LRP11: variants seen among roughly 807,000 people sequenced by gnomAD.
LRP11 encodes low-density lipoprotein receptor-related protein 11.
In LRP11, 25 loss-of-function variants were observed where a neutral mutation model predicts 43.1. The ratio of observed to expected loss-of-function variants is 0.58; its 90% confidence interval spans 0.42 to 0.81. LRP11 has a LOEUF of 0.81. LRP11 is among the 30% of genes least tolerant of loss of function. LRP11 has a pLI of 0.00. For missense variants in LRP11, 623 were observed against 665.1 expected, an observed-to-expected ratio of 0.94 and a Z score of 0.70; for synonymous variants, 316 against 299.4, an observed-to-expected ratio of 1.06 and a Z score of -0.57.
chr6:149,852,154 G>A (rs1384929643), intron 2 of LRP11, among the ~76,000 whole-genome samples: 2 of 152,188 alleles, frequency 1.3e-5, no homozygotes, highest in Non-Finnish European at 2.9e-5. Context: ...GGACGAGGGT[G>A]AGTCCAATTC....
intron 3 of LRP11, among the ~76,000 whole-genome samples, chr6:149,841,252 A>C (rs1206419124): frequency 6.6e-6 from 1 of 152,222 alleles, no homozygotes; most frequent in Non-Finnish European, 1.5e-5. Context: ...AGTAAATCAC[A>C]GTCCTGTTCC....
rs1422234837 is a variant in LRP11, at chr6:149,864,341, C to A, written c.-321G>T. On this transcript the variant is annotated 5_prime_UTR_variant, in exon 1 of 7. Coordinates refer to ENST00000239367, the MANE Select transcript of LRP11 (RefSeq NM_032832.6). ...GAGTCGGCCTCGGCGTTGATCAGCA[C>A]CAGGTGTGTGCGAACAGTGGCCGCG... 9.9e-7 allele frequency: 1 copy of A among 1,008,172 alleles called. No homozygotes were observed. Among genetic ancestry groups the A allele is most frequent in the Non-Finnish European group, 1.2e-6 (1 of 845,308 alleles). 62.5% of individuals were successfully genotyped at this position (1,008,172 alleles called of 1,614,324 possible).
chr6:149,846,591 C>G (rs1776636148), intron 2 of LRP11, among the ~76,000 whole-genome samples: 1 of 152,046 alleles, frequency 6.6e-6, no homozygotes, highest in Non-Finnish European at 1.5e-5. Flanking sequence ...TGAGTCATGA[C>G]CAGATTCTGA....
intron 1 of LRP11, among the ~76,000 whole-genome samples, chr6:149,856,773 C>T (rs1354176632): frequency 6.6e-6 from 1 of 152,140 alleles, no homozygotes; most frequent in African/African-American, 2.4e-5. Context: ...ATTCACAACA[C>T]GCTACTGTGC....
chr6:149,855,614 G>C (rs1211066595), intron 1 of LRP11, among the ~76,000 whole-genome samples: 1 of 151,992 alleles, frequency 6.6e-6, no homozygotes, highest in Non-Finnish European at 1.5e-5. Flanking sequence ...AGGAACAAGG[G>C]GATTTATGTG....
At chr6:149,828,320 T>C (rs1238680838) in intron 5 of LRP11, among the ~76,000 whole-genome samples, 1 of 152,070 alleles carries the variant, frequency 6.6e-6, no homozygotes, top group African/African-American at 2.4e-5. Flanking sequence ...CTTTTTTATT[T>C]TATTATATTT....
intron 6 of LRP11, among the ~76,000 whole-genome samples, chr6:149,823,628 G>A (rs1776304109): frequency 6.6e-6 from 1 of 152,160 alleles, no homozygotes; most frequent in Admixed American, 6.5e-5. Context: ...AGGACCTGGA[G>A]CTGATGACAC....
chr6:149,829,332 A>G (rs7764846), intron 5 of LRP11, among the ~76,000 whole-genome samples: 81,434 of 151,938 alleles, frequency 0.54, 25,049 homozygotes, highest in East Asian at 0.83. Context: ...AGGCCAAGGC[A>G]GGTGGATCAC....
rs1467341514 is a variant in LRP11 at position 149,827,030 on chromosome 6, G to C, written c.1253-671C>G. On this transcript the variant is annotated intron_variant, in intron 5 of 6. Transcript: ENST00000239367. The surrounding 1 kb of genome is among the most constrained non-coding windows in gnomAD (Gnocchi z 4.2). ...TGCCCAGATTGGAGTGCAGTGGCAC[G>C]ATCTTGGCTCACTGCAACGTCCACC... 6.7e-6 allele frequency among the ~76,000 whole-genome samples: 1 copy of C among 150,134 alleles called. No individual in the cohort carries two copies. The highest frequency in any genetic ancestry group is 2.0e-4 in the East Asian group (1 of 5,086).
At chr6:149,846,125 T>C (rs1399757426) in intron 2 of LRP11, among the ~76,000 whole-genome samples, 1 of 152,198 alleles carries the variant, frequency 6.6e-6, no homozygotes, top group Non-Finnish European at 1.5e-5. Context: ...AGGTCAGTTA[T>C]GGCCTCTTCC....
chr6:149,828,320 TTATTA>T (rs1047379052), intron 5 of LRP11, among the ~76,000 whole-genome samples: 1 of 152,070 alleles, frequency 6.6e-6, no homozygotes, highest in African/African-American at 2.4e-5. Context: ...CTTTTTTATT[TTATTA>T]TATTTTTACT....
intron 2 of LRP11, among the ~76,000 whole-genome samples, chr6:149,847,791 C>T (rs1170732349): frequency 6.7e-6 from 1 of 148,834 alleles, no homozygotes; most frequent in Non-Finnish European, 1.5e-5. Context: ...TAGCAATACA[C>T]GTTTGGGCTT....
At position 149,826,189 on chromosome 6, in the gene LRP11, G is replaced by A. The variant is rs748743538; in HGVS notation, c.1348+75C>T. Reference sequence around the variant, plus strand: ...TGTCCTGAGCTCTCATGGCCTCAGGGAATATCCTCAGCCAGAGGGCATGCA... The same window carrying A: ...TGTCCTGAGCTCTCATGGCCTCAGGAAATATCCTCAGCCAGAGGGCATGCA... On this transcript the variant is annotated intron_variant, in intron 6 of 6. Coordinates refer to ENST00000239367, the MANE Select transcript of LRP11 (RefSeq NM_032832.6). 14 of 1,121,056 alleles carry A rather than the reference G, an allele frequency of 1.2e-5. No individual in the cohort carries two copies. The South Asian group carries it at 1.6e-4, about 13-fold the overall frequency. The allele number at this position is 1,121,056 out of a possible 1,614,324, so 69.4% of individuals were successfully genotyped here.
At chr6:149,844,729 T>C (rs1353579932) in intron 2 of LRP11, among the ~76,000 whole-genome samples, 22 of 152,360 alleles carry the variant, frequency 1.4e-4, no homozygotes, top group Admixed American at 1.0e-3. Flanking sequence ...GAGGATGGGA[T>C]TGTACTATTA....
chr6:149,828,418 T>C (rs1043174604), intron 5 of LRP11, among the ~76,000 whole-genome samples: 3 of 152,110 alleles, frequency 2.0e-5, no homozygotes, highest in Non-Finnish European at 4.4e-5. Flanking sequence ...AATAGGTACA[T>C]ATTTAACCAC....
chr6:149,824,885 T>C (rs1448200515), intron 6 of LRP11, among the ~76,000 whole-genome samples: 1 of 151,916 alleles, frequency 6.6e-6, no homozygotes, highest in Non-Finnish European at 1.5e-5. Flanking sequence ...AACAAAAATA[T>C]GTAACAACCA....
chr6:149,858,013 C>T (rs1776826916), intron 1 of LRP11, among the ~76,000 whole-genome samples: 1 of 152,190 alleles, frequency 6.6e-6, no homozygotes, highest in African/African-American at 2.4e-5. Flanking sequence ...TTACATCACA[C>T]AGGCGATAAA....
At position 149,826,383 on chromosome 6, in the gene LRP11, T is replaced by C. The variant is rs550193220; in HGVS notation, c.1253-24A>G. ...ATCTGCAGAAAAGAAAGAGAACATA[T>C]ATTGAAGGTGTATGCATCAGAAACT... is the stretch of plus-strand genomic sequence containing the variant. On this transcript the variant is annotated intron_variant, in intron 5 of 6. Coordinates refer to ENST00000239367, the MANE Select transcript of LRP11 (RefSeq NM_032832.6). 1.1e-5 allele frequency: 17 copies of C among 1,549,510 alleles called. No homozygotes were observed. In the South Asian group the frequency reaches 1.9e-4, roughly 17 times the overall value.
intron 6 of LRP11, among the ~76,000 whole-genome samples, 154 bp from the exon 7 acceptor site, chr6:149,820,857 G>A (rs1776269567): frequency 6.6e-6 from 1 of 151,172 alleles, no homozygotes; most frequent in South Asian, 2.1e-4. Flanking sequence ...TAACTAAGGT[G>A]TACCAAGGTT....
Sources: allele counts gnomAD v4.1 joint callset (sites outside exome capture counted in the v4.1 genomes callset), GRCh38; gene constraint gnomAD v4.1.1; non-coding constraint Gnocchi (gnomAD v3.1); transcripts MANE v1.5; gene names NCBI Gene and HGNC (gene_info 2026-07-23, HGNC 2026-07-21).